The following SAXO4 variants were observed in gnomAD, a reference collection of about 807,000 sequenced individuals.
SAXO4 encodes protein phosphatase 1 regulatory subunit 32.
chr11:61,482,933 TC>T, the SAXO4 span: 1 of 981,778 alleles, frequency 1.0e-6, no homozygotes, highest in Non-Finnish European at 1.4e-6. Context: ...AGGGATGGGG[TC>T]CACTCATCTT....
the SAXO4 span, chr11:61,486,948 G>T: frequency 6.2e-7 from 1 of 1,613,790 alleles, no homozygotes; most frequent in Non-Finnish European, 8.5e-7. Context: ...TGCCCTGCAG[G>T]TGCCCCCTCC....
chr11:61,490,597 G>A, the SAXO4 span: 1 of 1,604,362 alleles, frequency 6.2e-7, no homozygotes, highest in Non-Finnish European at 8.5e-7. Flanking sequence ...AAGGGGCTGG[G>A]GATCCCCACA....
chr11:61,486,564 G>A, the SAXO4 span: 29 of 1,614,062 alleles, frequency 1.8e-5, no homozygotes, highest in South Asian at 7.7e-5. Context: ...GGCTCCAAGC[G>A]GGAAACAGCC....
At chr11:61,487,104 C>T in the SAXO4 span, 3 of 1,612,202 alleles carry the variant, frequency 1.9e-6, no homozygotes, top group Non-Finnish European at 2.5e-6. Flanking sequence ...AATCCCCACC[C>T]CTTCTGACTT....
At chr11:61,486,799 T>C in the SAXO4 span, 1 of 895,450 alleles carries the variant, frequency 1.1e-6, no homozygotes. Flanking sequence ...GGGTGTGGTC[T>C]GAAATAGAAT....
the SAXO4 span, chr11:61,482,348 A>T: frequency 6.2e-7 from 1 of 1,614,176 alleles, no homozygotes; most frequent in Non-Finnish European, 8.5e-7. Context: ...GCAGTCACGT[A>T]GGCACCGGCT....
At chr11:61,486,252 C>A in the SAXO4 span, 2 of 1,366,194 alleles carry the variant, frequency 1.5e-6, no homozygotes, top group East Asian at 2.3e-5. Flanking sequence ...CTGTGCTCAG[C>A]ACAGCAGTGG....
the SAXO4 span, chr11:61,490,504 C>G: frequency 6.2e-7 from 1 of 1,614,098 alleles, no homozygotes; most frequent in Non-Finnish European, 8.5e-7. Flanking sequence ...CCTGCAGAAC[C>G]CTGACCTCAG....
the SAXO4 span, chr11:61,486,574 C>T: frequency 5.6e-6 from 9 of 1,614,064 alleles, no homozygotes; most frequent in Non-Finnish European, 6.8e-6. Context: ...GGGAAACAGC[C>T]TTCAGCCGAG....
the SAXO4 span, chr11:61,482,260 C>A: frequency 6.5e-7 from 1 of 1,548,578 alleles, no homozygotes; most frequent in Non-Finnish European, 8.9e-7. Flanking sequence ...GCCTGGGAAG[C>A]CCTGCCTGTT....
At chr11:61,486,415 TA>T in the SAXO4 span, 16 of 1,613,918 alleles carry the variant, frequency 9.9e-6, no homozygotes, top group South Asian at 3.3e-5. Flanking sequence ...TAAGCTGAGC[TA>T]GGGGGAGGCT....
At chr11:61,484,998 A>C in the SAXO4 span, among the ~76,000 whole-genome samples, 1 of 152,162 alleles carries the variant, frequency 6.6e-6, no homozygotes, top group Non-Finnish European at 1.5e-5. Context: ...AAATAGCCTC[A>C]ATGTGGCTTC....
the SAXO4 span, chr11:61,485,886 C>A: frequency 6.2e-7 from 1 of 1,613,778 alleles, no homozygotes; most frequent in East Asian, 2.2e-5. Context: ...TTCCAACCGC[C>A]CTCACAGGCC....
At chr11:61,489,843 C>A in the SAXO4 span, 2 of 1,613,868 alleles carry the variant, frequency 1.2e-6, no homozygotes, top group Non-Finnish European at 8.5e-7. Context: ...TGGCATCCAG[C>A]CCCAGATGCC....
chr11:61,487,224 A>G, the SAXO4 span: 1 of 1,613,890 alleles, frequency 6.2e-7, no homozygotes, highest in Admixed American at 1.7e-5. Context: ...GCGATACCTG[A>G]CCACCTACAA....
the SAXO4 span, chr11:61,490,057 G>A: frequency 1.8e-6 from 2 of 1,106,708 alleles, 1 homozygote; most frequent in Middle Eastern, 4.2e-4. Flanking sequence ...TCCTATGAGA[G>A]GCCCATCTCC....
chr11:61,485,997 C>T, the SAXO4 span: 3 of 916,758 alleles, frequency 3.3e-6, no homozygotes, highest in Admixed American at 7.4e-5. Flanking sequence ...AGAATGTGAG[C>T]TGCAGAGCCC....
At chr11:61,483,356 C>A in the SAXO4 span, among the ~76,000 whole-genome samples, 5 of 151,884 alleles carry the variant, frequency 3.3e-5, no homozygotes, top group African/African-American at 1.2e-4. Context: ...TTAGTACAGA[C>A]AGGGTTTCAC....
the SAXO4 span, chr11:61,485,272 C>A: frequency 1.4e-6 from 2 of 1,424,210 alleles, no homozygotes; most frequent in Non-Finnish European, 2.0e-6. Flanking sequence ...GCCACTCCAC[C>A]GCCGCCACAC....
Sources: gnomAD v4.1 joint callset for allele counts (sites outside exome capture counted in the v4.1 genomes callset) on GRCh38, gnomAD v4.1.1 for gene constraint, MANE v1.5 for transcripts, NCBI Gene and HGNC (gene_info 2026-07-23, HGNC 2026-07-21) for gene names.